Variants in TNKS observed in about 807,000 individuals in gnomAD.
The protein encoded by TNKS is tankyrase, also known as poly [ADP-ribose] polymerase tankyrase-1.
In TNKS, 72 loss-of-function variants were observed where a neutral mutation model predicts 135.8. The observed-to-expected ratio is 0.53, with a 90% CI of 0.44 to 0.64. The LOEUF is 0.64. Ranked by LOEUF, TNKS falls within the 30% of genes least tolerant of loss-of-function variation. The pLI is 0.00. For synonymous variants in TNKS, 849 were observed against 649.3 expected (o/e 1.31, Z -4.68); for missense variants, 1,769 against 1,674.0 (o/e 1.06, Z -0.99).
intron 15 of TNKS, 61 bp from the exon 16 acceptor site, chr8:9,734,804 C>T: frequency 7.3e-7 from 1 of 1,374,718 alleles, no homozygotes; most frequent in Non-Finnish European, 1.0e-6. Context: ...AATTACCTAC[C>T]TACCTACCTA....
chr8:9,594,519 G>T (rs1415035813), intron 2 of TNKS, among the ~76,000 whole-genome samples: 1 of 152,164 alleles, frequency 6.6e-6, no homozygotes, highest in Admixed American at 6.5e-5. Flanking sequence ...AGTTCTGTTG[G>T]ACAGTGCTGT....
At position 9,701,423 on chromosome 8, in the gene TNKS, T is replaced by C. The variant is rs371276648; in HGVS notation, c.1108-3240T>C. On this transcript the variant is annotated intron_variant, in intron 5 of 26. Transcript: ENST00000310430. ...GAAAGATGTGACCCTTTTTATGTAATATTAAATATTAGCTATGTGCTATAC... is the reference window on the plus strand; with the variant it reads ...GAAAGATGTGACCCTTTTTATGTAACATTAAATATTAGCTATGTGCTATAC... Among the ~76,000 whole-genome samples the C allele has an allele frequency of 2.4e-4, 37 of 152,340 alleles. 1 individual carries two copies. The East Asian group carries it at 4.1e-3, about 17-fold the overall frequency.
At chr8:9,615,922 A>G (rs1799629168) in intron 3 of TNKS, among the ~76,000 whole-genome samples, 1 of 152,080 alleles carries the variant, frequency 6.6e-6, no homozygotes, top group Non-Finnish European at 1.5e-5. Flanking sequence ...TTTCACTCGT[A>G]TTTTAGTCAT....
rs1399922732 is a variant in TNKS, at chr8:9,672,711, C to CACACA, written c.995-7239_995-7238insCACAA. 1.3e-3 allele frequency among the ~76,000 whole-genome samples: 112 copies of CACACA among 85,214 alleles called. 1 individual carries two copies. The highest frequency in any genetic ancestry group is 2.0e-3 in the Non-Finnish European group (89 of 44,986). The allele number at this position is 85,214 out of a possible 152,430, so 55.9% of individuals were successfully genotyped here. On this transcript the variant is annotated intron_variant, in intron 3 of 26. Coordinates refer to ENST00000310430, the MANE Select transcript of TNKS (RefSeq NM_003747.3). ...ACACACACACACACACACACACACA[C>CACACA]AAAAAAAAAAAAACAAACTAATATC...
At chr8:9,570,427 G>T (rs1417094657) in intron 1 of TNKS, among the ~76,000 whole-genome samples, 1 of 152,234 alleles carries the variant, frequency 6.6e-6, no homozygotes, top group Non-Finnish European at 1.5e-5. Context: ...AGAGATTCCA[G>T]TGGCAGTGGG....
chr8:9,624,624 T>G (rs1799987870), intron 3 of TNKS, among the ~76,000 whole-genome samples: 1 of 152,156 alleles, frequency 6.6e-6, no homozygotes, highest in African/African-American at 2.4e-5. Context: ...TTTTGTACTT[T>G]TCTCTACTTA....
chr8:9,663,177 C>T (rs1046568309), intron 3 of TNKS, among the ~76,000 whole-genome samples: 2 of 152,192 alleles, frequency 1.3e-5, no homozygotes, highest in Admixed American at 6.5e-5. Flanking sequence ...CACATCCCTG[C>T]TCATCCATTT....
intron 1 of TNKS, among the ~76,000 whole-genome samples, chr8:9,573,210 A>G (rs1263668316): frequency 6.6e-6 from 1 of 152,226 alleles, no homozygotes; most frequent in Non-Finnish European, 1.5e-5. Flanking sequence ...GTCAAATTAA[A>G]TTTAACAGTT....
chr8:9,680,696 A>G lies in TNKS; in HGVS notation c.1032-29A>G, dbSNP rs1361226633. On this transcript the variant is annotated intron_variant, in intron 4 of 26. Coordinates refer to ENST00000310430, the MANE Select transcript of TNKS (RefSeq NM_003747.3). ...TATTCATAAGAAGCTTTGTAATTTT[A>G]GAGGAATTGACTTACTACCTTTTTA... The G allele has an allele frequency of 3.4e-6, 5 of 1,490,722 alleles. No individual in the cohort carries two copies. In the East Asian group the frequency reaches 9.1e-5, roughly 27 times the overall value. The allele number at this position is 1,490,722 out of a possible 1,614,324, so 92.3% of individuals were successfully genotyped here.
Position 9,733,347 on chromosome 8 carries a change from A to G in TNKS, c.2216A>G (p.His739Arg), listed in dbSNP as rs1805537067. 1 of 1,612,350 alleles carries G rather than the reference A, an allele frequency of 6.2e-7. No homozygotes were observed. The change falls in exon 15 of 27, where the codon CAT (histidine) becomes CGT (arginine). Residue 739 changes from histidine to arginine, a missense_variant. This residue lies in a region of TNKS where 69 missense variants were observed against 120.3 expected (regional missense o/e 0.57). Transcript: ENST00000310430. ...GAGGTGGCTGAGCTTTTAGTAAGGC[A>G]TGGGGCTTCTGTCAATGTGGCGGAC... ...HYEVAELLVR[H>R]GASVNVADLW... is the part of the protein sequence containing the mutation.
chr8:9,676,373 T>G (rs1015957833), intron 3 of TNKS, among the ~76,000 whole-genome samples: 1 of 152,134 alleles, frequency 6.6e-6, no homozygotes, highest in Admixed American at 6.5e-5. Context: ...TCATAGTCTT[T>G]CCATGCTATT....
intron 2 of TNKS, among the ~76,000 whole-genome samples, chr8:9,608,702 C>G (rs1402298340): frequency 2.0e-5 from 3 of 152,212 alleles, no homozygotes; most frequent in Non-Finnish European, 4.4e-5. Flanking sequence ...AGACTCCAGC[C>G]AATTCTTCTG....
At chr8:9,630,756 T>C (rs2128771527) in intron 3 of TNKS, among the ~76,000 whole-genome samples, 1 of 152,382 alleles carries the variant, frequency 6.6e-6, no homozygotes, top group South Asian at 2.1e-4. Flanking sequence ...ATTAGGTTTC[T>C]GTAGTCTAGG....
chr8:9,652,570 T>C (rs1048792240), intron 3 of TNKS, among the ~76,000 whole-genome samples: 1 of 152,138 alleles, frequency 6.6e-6, no homozygotes, highest in East Asian at 1.9e-4. Context: ...GTTAGTGGAG[T>C]GTGGAGAAAT....
At position 9,668,298 on chromosome 8, in the gene TNKS, C is replaced by G. The variant is rs576725585; in HGVS notation, c.995-11653C>G. ...TGATGGTTCCTAACCTTTTTTGGGT[C>G]ATGGACCACTTTAAGGAGCTAATAA... On this transcript the variant is annotated intron_variant, in intron 3 of 26. Transcript: ENST00000310430. Among the ~76,000 whole-genome samples, 60 of 152,200 alleles carry G rather than the reference C, an allele frequency of 3.9e-4. 1 individual carries two copies. The South Asian group carries it at 9.1e-3, about 23-fold the overall frequency.
chr8:9,605,063 T>TG (rs1252153884), intron 2 of TNKS, among the ~76,000 whole-genome samples: 1 of 152,100 alleles, frequency 6.6e-6, no homozygotes, highest in East Asian at 1.9e-4. Context: ...ATTTTGAGTA[T>TG]ACATTTTAAT....
intron 2 of TNKS, among the ~76,000 whole-genome samples, chr8:9,612,822 C>T (rs1268575260): frequency 4.1e-5 from 6 of 147,344 alleles, no homozygotes; most frequent in Admixed American, 1.3e-4. Flanking sequence ...TGACCAGAAG[C>T]CTTTTCGATA....
intron 2 of TNKS, among the ~76,000 whole-genome samples, chr8:9,609,638 G>C (rs911846846): frequency 6.6e-6 from 1 of 152,104 alleles, no homozygotes; most frequent in African/African-American, 2.4e-5. Context: ...TTTTCAGCTG[G>C]TAATTCTTTA....
intron 5 of TNKS, among the ~76,000 whole-genome samples, chr8:9,692,458 T>G (rs1803321806): frequency 6.6e-6 from 1 of 152,170 alleles, no homozygotes; most frequent in Non-Finnish European, 1.5e-5. Flanking sequence ...TTAAAGACAT[T>G]AATATGTTAA....
Sources: gnomAD v4.1 joint callset for allele counts (sites outside exome capture counted in the v4.1 genomes callset) on GRCh38, gnomAD v4.1.1 for gene constraint, gnomAD v4.1.1 regional missense constraint, MANE v1.5 for transcripts, NCBI Gene and HGNC (gene_info 2026-07-23, HGNC 2026-07-21) for gene names.